KIF6: variants seen among roughly 807,000 people sequenced by gnomAD.
KIF6 encodes the protein kinesin-like protein KIF6.
In KIF6, 106 loss-of-function variants were observed where a neutral mutation model predicts 112.7. The ratio of observed to expected loss-of-function variants is 0.94; its 90% CI spans 0.80 to 1.11. The LOEUF (loss-of-function observed/expected upper bound fraction) is 1.11, where lower values mean the gene tolerates loss of function less well. Ranked by LOEUF, KIF6 falls within the 50% of genes least tolerant of loss-of-function variation. The pLI is 0.00. For synonymous variants in KIF6, 339 were observed against 339.9 expected (o/e 1.00, Z 0.03); for missense variants, 929 against 964.0 (o/e 0.96, Z 0.48).
chr6:39,707,493 C>A (rs1381556648), intron 3 of KIF6, among the ~76,000 whole-genome samples: 1 of 152,184 alleles, frequency 6.6e-6, no homozygotes, highest in Non-Finnish European at 1.5e-5. Context: ...CCGCTCTGTG[C>A]AGATATATGA....
intron 3 of KIF6, among the ~76,000 whole-genome samples, chr6:39,681,986 T>C (rs1004732119): frequency 2.5e-4 from 38 of 151,786 alleles, no homozygotes; most frequent in African/African-American, 7.5e-4. Context: ...TCGGGGGAAA[T>C]ACTGAATTCT....
intron 16 of KIF6, among the ~76,000 whole-genome samples, chr6:39,373,712 T>C (rs1766213886): frequency 1.3e-5 from 2 of 151,816 alleles, no homozygotes; most frequent in African/African-American, 4.8e-5. Flanking sequence ...AAAACACTGA[T>C]GAAAGAAATG....
At chr6:39,663,107 T>C (rs991078994) in intron 3 of KIF6, among the ~76,000 whole-genome samples, 2 of 152,088 alleles carry the variant, frequency 1.3e-5, no homozygotes, top group African/African-American at 4.8e-5. Context: ...TTGCCCAAGC[T>C]AGTCTCAAAC....
intron 14 of KIF6, among the ~76,000 whole-genome samples, chr6:39,421,491 T>C (rs1581815960): frequency 6.6e-6 from 1 of 152,290 alleles, no homozygotes; most frequent in South Asian, 2.1e-4. Context: ...TGACTGGGAT[T>C]GTGTTGGAGG....
At chr6:39,662,911 CTT>C (rs1360824121) in intron 3 of KIF6, among the ~76,000 whole-genome samples, 2 of 145,348 alleles carry the variant, frequency 1.4e-5, no homozygotes, top group African/African-American at 5.0e-5. Context: ...TTCTCTCTCT[CTT>C]TTTTTTTTTT....
intron 13 of KIF6, among the ~76,000 whole-genome samples, chr6:39,483,973 A>C (rs1774963178): frequency 6.6e-6 from 1 of 152,206 alleles, no homozygotes. Context: ...TCAATTCATA[A>C]AGAGTGGGAG....
intron 22 of KIF6, among the ~76,000 whole-genome samples, chr6:39,339,705 T>C (rs567355065): frequency 7.2e-5 from 11 of 151,784 alleles, no homozygotes; most frequent in Non-Finnish European, 1.6e-4. Context: ...AACAGCAGAG[T>C]TGACTCCACG....
intron 13 of KIF6, among the ~76,000 whole-genome samples, chr6:39,453,049 T>G (rs1772806610): frequency 6.6e-6 from 1 of 152,178 alleles, no homozygotes; most frequent in Non-Finnish European, 1.5e-5. Flanking sequence ...GCTAGTTACT[T>G]AGACAGATGA....
chr6:39,633,041 T>C (rs1277816369), intron 5 of KIF6, among the ~76,000 whole-genome samples: 2 of 151,934 alleles, frequency 1.3e-5, no homozygotes, highest in African/African-American at 4.8e-5. Context: ...AAGTTTGCTG[T>C]CTAAGGATAT....
rs764878858 is a variant in KIF6, at chr6:39,345,721, G to A, written c.2300C>T (p.Thr767Ile). Reference sequence around the variant, plus strand: ...AGACCTGTCTTCCAGTGGGGTGCTGGTGCTGCTCTGTTTCTGGCTGTGTGG... The same window carrying A: ...AGACCTGTCTTCCAGTGGGGTGCTGATGCTGCTCTGTTTCTGGCTGTGTGG... ...PSPHSQKQSSTSTPLEDSIPK... is the reference protein window; with the variant it reads ...PSPHSQKQSSISTPLEDSIPK... Residue 767 changes from threonine (T) to isoleucine (I), a missense_variant, in exon 21 of 23, where the codon ACC (threonine) becomes ATC (isoleucine). By Grantham distance (89) the Thr-to-Ile change is moderately conservative. Coordinates refer to ENST00000287152, the MANE Select transcript of KIF6 (RefSeq NM_145027.6). 1.1e-5 allele frequency: 17 copies of A among 1,613,758 alleles called. No homozygotes were observed. Among genetic ancestry groups the A allele is most frequent in the Non-Finnish European group, 1.4e-5 (17 of 1,179,910 alleles).
At chr6:39,407,918 C>T (rs1182943474) in intron 15 of KIF6, among the ~76,000 whole-genome samples, 1 of 152,112 alleles carries the variant, frequency 6.6e-6, no homozygotes, top group African/African-American at 2.4e-5. Flanking sequence ...TTTAAAGCAA[C>T]TTGAAAAACA....
intron 14 of KIF6, among the ~76,000 whole-genome samples, chr6:39,424,700 A>G (rs1328963860): frequency 6.6e-6 from 1 of 152,150 alleles, no homozygotes; most frequent in Non-Finnish European, 1.5e-5. Flanking sequence ...ATGCATGCAA[A>G]TATGTTTTGT....
chr6:39,356,622 C>T (rs1027007750), intron 19 of KIF6, among the ~76,000 whole-genome samples: 4 of 152,196 alleles, frequency 2.6e-5, no homozygotes, highest in African/African-American at 7.2e-5. Context: ...CTCAGCACCC[C>T]TTCAAACCCA....
At chr6:39,585,827 C>G (rs1021042124) in intron 8 of KIF6, among the ~76,000 whole-genome samples, 8 of 152,228 alleles carry the variant, frequency 5.3e-5, no homozygotes, top group Non-Finnish European at 1.2e-4. Flanking sequence ...CATTCAGCAG[C>G]TGGCTCCTGC....
At position 39,342,330 on chromosome 6, in the gene KIF6, A is replaced by G. The variant is rs772550021; in HGVS notation, c.2428+1379T>C. 2.6e-5 allele frequency among the ~76,000 whole-genome samples: 4 copies of G among 152,222 alleles called. No homozygotes were observed. The highest frequency in any genetic ancestry group is 4.4e-5 in the Non-Finnish European group (3 of 68,036). On this transcript the variant is annotated intron_variant, in intron 22 of 22. Transcript: ENST00000287152. This position sits in a 1 kb window ranked among gnomAD's most constrained non-coding sequence, Gnocchi z 4.7. ...ATAGTTTAGCTATTTCATAGCACTT[A>G]TTATCCCCTCAAACAATCTTACGTA...
At chr6:39,351,789 G>A (rs1024231244) in intron 19 of KIF6, among the ~76,000 whole-genome samples, 1 of 152,222 alleles carries the variant, frequency 6.6e-6, no homozygotes, top group African/African-American at 2.4e-5. Flanking sequence ...GAGCCTCACA[G>A]CTGAAAGGAG....
At chr6:39,644,028 TA>T (rs1335995938) in intron 3 of KIF6, among the ~76,000 whole-genome samples, 1 of 152,034 alleles carries the variant, frequency 6.6e-6, no homozygotes, top group Non-Finnish European at 1.5e-5. Flanking sequence ...CAGATTCGAA[TA>T]GACATTTCTC....
intron 3 of KIF6, among the ~76,000 whole-genome samples, chr6:39,679,092 T>A (rs1241746484): frequency 1.3e-5 from 2 of 152,378 alleles, no homozygotes; most frequent in Non-Finnish European, 2.9e-5. Context: ...CTAACATCTT[T>A]GTAAAAACAG....
At chr6:39,624,161 G>A (rs994726432) in intron 5 of KIF6, among the ~76,000 whole-genome samples, 11 of 152,144 alleles carry the variant, frequency 7.2e-5, no homozygotes, top group Non-Finnish European at 1.3e-4. Flanking sequence ...TTATTAGTGG[G>A]ATAGTCGAGT....
Sources: gnomAD v4.1 joint callset for allele counts (sites outside exome capture counted in the v4.1 genomes callset) on GRCh38, gnomAD v4.1.1 for gene constraint, Gnocchi (gnomAD v3.1) non-coding constraint, MANE v1.5 for transcripts, NCBI Gene and HGNC (gene_info 2026-07-23, HGNC 2026-07-21) for gene names.